The following EHMT1 variants were observed in gnomAD, a reference collection of about 807,000 sequenced individuals.
The protein encoded by EHMT1 is histone-lysine N-methyltransferase EHMT1.
A neutral mutation model predicts 147.2 loss-of-function variants in EHMT1; 15 were observed. The observed-to-expected ratio is 0.10, with a 90% confidence interval of 0.07 to 0.16. EHMT1 has a LOEUF of 0.16. EHMT1 is among the 10% of genes least tolerant of loss of function. The pLI is 1.00. For missense variants in EHMT1, 1,587 were observed against 1,772.4 expected (o/e 0.90, Z 1.88); for synonymous variants, 795 against 709.6 (o/e 1.12, Z -1.91).
chr9:137,778,629 C>T (rs778647548), intron 13 of EHMT1, among the ~76,000 whole-genome samples: 2 of 152,244 alleles, frequency 1.3e-5, no homozygotes, highest in South Asian at 2.1e-4. Flanking sequence ...CTGACGCCAA[C>T]AGGCCCTGCT....
intron 1 of EHMT1, among the ~76,000 whole-genome samples, chr9:137,670,528 C>T (rs1024118138): frequency 6.6e-6 from 1 of 152,150 alleles, no homozygotes; most frequent in Non-Finnish European, 1.5e-5. Flanking sequence ...CCCTTCATGG[C>T]TTCCCATCTG....
At chr9:137,636,945 T>C (rs1844124524) in intron 1 of EHMT1, among the ~76,000 whole-genome samples, 2 of 149,728 alleles carry the variant, frequency 1.3e-5, no homozygotes, top group Non-Finnish European at 1.5e-5. Context: ...TCGCCCAGGC[T>C]GGAGTGCAGT....
chr9:137,743,048 G>A (rs1459080923), intron 4 of EHMT1: 4 of 370,534 alleles, frequency 1.1e-5, no homozygotes, highest in Non-Finnish European at 2.0e-5. Flanking sequence ...ACTGGGAGGA[G>A]GAGTCGCTTC....
chr9:137,818,677 G>A lies in EHMT1; in HGVS notation c.3540+539G>A, dbSNP rs75879801. Among the ~76,000 whole-genome samples, 15 of 19,698 alleles carry A rather than the reference G, an allele frequency of 7.6e-4. 1 individual carries two copies. The highest frequency in any genetic ancestry group is 4.5e-3 in the East Asian group (1 of 220). 12.9% of individuals were successfully genotyped at this position (19,698 alleles called of 152,430 possible). A position where few individuals can be genotyped will look rare whatever the true frequency, so the allele number is the denominator to read the frequency against. On this transcript the variant is annotated intron_variant, in intron 25 of 26. Transcript: ENST00000460843. ...GTAGAGAGGCCGACTGAGGGGCGCC[G>A]TGTACCGAGACCGTAGAGAGGCCGA...
intron 3 of EHMT1, among the ~76,000 whole-genome samples, chr9:137,724,894 CAGA>C (rs1946439992): frequency 7.0e-6 from 1 of 143,584 alleles, no homozygotes; most frequent in African/African-American, 2.8e-5. Flanking sequence ...ATTCGTGGGA[CAGA>C]TGTGGCATTC....
intron 1 of EHMT1, among the ~76,000 whole-genome samples, chr9:137,666,615 C>T (rs560791769): frequency 3.9e-5 from 6 of 152,308 alleles, no homozygotes; most frequent in South Asian, 2.1e-4. Flanking sequence ...GAAATCTGTC[C>T]GCCTTGGCTG....
chr9:137,626,552 T>G (rs1469825887), intron 1 of EHMT1, among the ~76,000 whole-genome samples: 1 of 151,276 alleles, frequency 6.6e-6, no homozygotes, highest in Non-Finnish European at 1.5e-5. Flanking sequence ...AAAAAAGTTG[T>G]TTCCTTCATT....
At chr9:137,743,659 T>G (rs1383515749) in intron 5 of EHMT1, 131 bp downstream of exon 5, 15 of 1,372,194 alleles carry the variant, frequency 1.1e-5, no homozygotes, top group Non-Finnish European at 1.5e-5. Context: ...TCCTCTGCCA[T>G]AGGGGCAGAG....
At chr9:137,660,099 G>A (rs1228074090) in intron 1 of EHMT1, among the ~76,000 whole-genome samples, 2 of 151,990 alleles carry the variant, frequency 1.3e-5, no homozygotes, top group Non-Finnish European at 1.5e-5. Flanking sequence ...CACTTTGGGA[G>A]GCTGGCAGGA....
At chr9:137,743,293 T>C in intron 4 of EHMT1, 78 bp from the exon 5 acceptor site, 1 of 1,514,692 alleles carries the variant, frequency 6.6e-7, no homozygotes, top group Non-Finnish European at 8.8e-7. Flanking sequence ...TTGTAAACTG[T>C]CTCTTACCTT....
At chr9:137,816,351 T>C (rs1372621642) in intron 23 of EHMT1, 6 of 470,348 alleles carry the variant, frequency 1.3e-5, no homozygotes, top group African/African-American at 1.2e-4. Flanking sequence ...GAATTACCTT[T>C]GTTACCGAGT....
intron 14 of EHMT1, among the ~76,000 whole-genome samples, chr9:137,780,129 G>GGCATCA (rs913958004): frequency 4.8e-5 from 7 of 145,136 alleles, no homozygotes; most frequent in Admixed American, 2.7e-4. Flanking sequence ...TGGTGATGAC[G>GGCATCA]CTGAGATGTG....
At chr9:137,736,616 C>T (rs11137194) in intron 4 of EHMT1, among the ~76,000 whole-genome samples, 39,339 of 152,166 alleles carry the variant, frequency 0.26, 5,676 homozygotes, top group Admixed American at 0.39. Flanking sequence ...TTGAGCCGGG[C>T]GCGATGGCGC....
chr9:137,678,145 A>G (rs916298364), intron 1 of EHMT1, among the ~76,000 whole-genome samples: 4 of 152,210 alleles, frequency 2.6e-5, no homozygotes, highest in African/African-American at 9.7e-5. Flanking sequence ...AAACTAGTAT[A>G]TAATCCACTA....
intron 1 of EHMT1, chr9:137,638,310 A>G (rs1410775332): frequency 1.3e-5 from 2 of 151,958 alleles, no homozygotes; most frequent in East Asian, 1.9e-4. Flanking sequence ...GAGTTTCACC[A>G]TGTTGGCTGT....
At chr9:137,811,699 C>T in intron 19 of EHMT1, 84 bp downstream of exon 19, 3 of 1,573,820 alleles carry the variant, frequency 1.9e-6, no homozygotes, top group South Asian at 1.1e-5. Flanking sequence ...CTTGTGTTCA[C>T]ACTTGGGGCG....
At chr9:137,761,016 A>G (rs542386509) in intron 9 of EHMT1, among the ~76,000 whole-genome samples, 4 of 152,284 alleles carry the variant, frequency 2.6e-5, no homozygotes, top group Admixed American at 6.5e-5. Context: ...CAGAAAAAAT[A>G]AAAAGATGCA....
chr9:137,749,592 G>A (rs1027341388), intron 6 of EHMT1, among the ~76,000 whole-genome samples: 1 of 152,042 alleles, frequency 6.6e-6, no homozygotes, highest in Non-Finnish European at 1.5e-5. Context: ...GAGCCATGGC[G>A]CCCAGCCTCT....
chr9:137,831,805 T>C (rs756152560), intron 25 of EHMT1, among the ~76,000 whole-genome samples: 2 of 152,258 alleles, frequency 1.3e-5, no homozygotes, highest in Non-Finnish European at 2.9e-5. Context: ...GGGAGGACTC[T>C]GGTTTCTCTT....
Sources: allele counts gnomAD v4.1 joint callset (sites outside exome capture counted in the v4.1 genomes callset), GRCh38; gene constraint gnomAD v4.1.1; transcripts MANE v1.5; gene names NCBI Gene and HGNC (gene_info 2026-07-23, HGNC 2026-07-21).